The following SLC34A1 variants were observed in gnomAD, a reference collection of about 807,000 sequenced individuals.
SLC34A1 encodes the protein sodium-dependent phosphate transport protein 2A.
A neutral mutation model predicts 51.4 loss-of-function variants in SLC34A1; 57 were observed. The observed-to-expected ratio is 1.11, with a 90% confidence interval of 0.90 to 1.38. SLC34A1 has a LOEUF of 1.38. Among genes scored for constraint, SLC34A1 ranks in the 40% most tolerant of loss-of-function variants. SLC34A1 has a pLI of 0.00. For synonymous variants in SLC34A1, 368 were observed against 358.0 expected, an observed-to-expected ratio of 1.03 and a Z score of -0.32; for missense variants, 796 against 835.6, an observed-to-expected ratio of 0.95 and a Z score of 0.58.
At position 177,396,994 on chromosome 5, in the gene SLC34A1, G is replaced by T; in HGVS notation, c.1336G>T (p.Gly446Cys). Residue 446 changes from glycine to cysteine, a missense_variant, in exon 12 of 13, where the codon GGT (glycine) becomes TGT (cysteine). By Grantham distance (159) the Gly-to-Cys change is radical. Coordinates refer to ENST00000324417, the MANE Select transcript of SLC34A1 (RefSeq NM_003052.5). The surrounding 1 kb of genome is among the most constrained non-coding windows in gnomAD (Gnocchi z 4.0). Reference sequence around the variant, plus strand: ...TGAGAGGGCCTACCCGCTCACACTGGGTTCCAACATCGGCACCACCACCAC... The same window carrying T: ...TGAGAGGGCCTACCCGCTCACACTGTGTTCCAACATCGGCACCACCACCAC... ...SIERAYPLTL[G>C]SNIGTTTTAI... is the part of the protein sequence containing the mutation. The T allele has an allele frequency of 6.2e-7, 1 of 1,614,156 alleles. No homozygotes were observed. Among genetic ancestry groups the T allele is most frequent in the South Asian group, 1.1e-5 (1 of 91,086 alleles).
At chr5:177,394,257 T>C in intron 10 of SLC34A1, 62 bp downstream of exon 10, 1 of 1,528,204 alleles carries the variant, frequency 6.5e-7, no homozygotes, top group Middle Eastern at 1.7e-4. Flanking sequence ...TCCTGCTAAG[T>C]CCTGTGACTG....
At chr5:177,392,144 C>T (rs149598573) in intron 8 of SLC34A1, among the ~76,000 whole-genome samples, 100 of 152,312 alleles carry the variant, frequency 6.6e-4, no homozygotes, top group African/African-American at 2.3e-3. Flanking sequence ...AAAATAAACC[C>T]GGATGTTACA....
chr5:177,391,247 A>ACT, intron 8 of SLC34A1, among the ~76,000 whole-genome samples: 1 of 151,556 alleles, frequency 6.6e-6, no homozygotes, highest in South Asian at 2.1e-4. Context: ...CCGGCAGTTC[A>ACT]CTCTCTGCCT....
chr5:177,390,173 C>T, intron 8 of SLC34A1: 3 of 1,004,932 alleles, frequency 3.0e-6, no homozygotes, highest in Non-Finnish European at 3.6e-6. Context: ...CCTGAACCAG[C>T]CCGAAACAGT....
rs771658987 is a variant in SLC34A1 at position 177,398,035 on chromosome 5, C to G, written c.1669C>G (p.Leu557Val). ...CGGGGCCCTGCTGGCCTTCGTGGTG[C>G]TCATCAATGTCCTGCAGAGTCGGAG... ...PFGALLAFVV[L>V]INVLQSRSPG... The change falls in exon 13 of 13, where the codon CTC becomes GTC. Residue 557 changes from leucine (L) to valine (V), a missense_variant. Physicochemically the swap from Leu to Val is conservative, Grantham distance 32. Transcript: ENST00000324417. This position sits in a 1 kb window ranked among gnomAD's most constrained non-coding sequence, Gnocchi z 4.7. The G allele has an allele frequency of 1.2e-6, 2 of 1,614,130 alleles. No individual in the cohort carries two copies. Among genetic ancestry groups the G allele is most frequent in the South Asian group, 2.2e-5 (2 of 91,088 alleles).
Position 177,386,425 on chromosome 5 carries a change from A to C in SLC34A1, c.391A>C (p.Lys131Gln). 1 of 1,614,122 alleles carries C rather than the reference A, an allele frequency of 6.2e-7. No individual in the cohort carries two copies. The highest frequency in any genetic ancestry group is 8.5e-7 in the Non-Finnish European group (1 of 1,180,014). Residue 131 changes from lysine to glutamine, a missense_variant and splice_region_variant, in exon 5 of 13, where the codon AAG (lysine) becomes CAG (glutamine). Lys to Gln is a moderately conservative substitution (Grantham distance 53, BLOSUM62 1). Transcript: ENST00000324417. This position sits in a 1 kb window ranked among gnomAD's most constrained non-coding sequence, Gnocchi z 4.8. ...CAACGCTGGCTCATGCTCCCCAGGG[A>C]AGGTGGCTGGTGACATCTTCAAGGA... ...LSSAFQLAGG[K>Q]VAGDIFKDNA...
chr5:177,392,658 C>T (rs1762843626), intron 8 of SLC34A1, among the ~76,000 whole-genome samples: 1 of 152,098 alleles, frequency 6.6e-6, no homozygotes, highest in Non-Finnish European at 1.5e-5. Context: ...AGGTCTTGCT[C>T]TGTCACTCAA....
At chr5:177,392,012 A>AT (rs770975245) in intron 8 of SLC34A1, among the ~76,000 whole-genome samples, 42 of 151,806 alleles carry the variant, frequency 2.8e-4, no homozygotes, top group Non-Finnish European at 4.9e-4. Context: ...ATCGCAGCCT[A>AT]TTTTTTCCAG....
chr5:177,393,462 G>A (rs113015801), intron 8 of SLC34A1, among the ~76,000 whole-genome samples: 2 of 152,172 alleles, frequency 1.3e-5, no homozygotes, highest in Non-Finnish European at 2.9e-5. Context: ...GGAGAGCTGG[G>A]CCAGTGGAGT....
In SLC34A1 at chr5:177,388,866, C is replaced by T. The variant is rs553296848; in HGVS notation, c.936+494C>T. The stretch of plus-strand genomic sequence containing the variant: ...AGAAACGTGCCAGAGCTTATCCTAC[C>T]ATGTCAGGGCCTGAGCACCCTAGAG... On this transcript the variant is annotated intron_variant, in intron 8 of 12. Transcript: ENST00000324417. The surrounding 1 kb of genome is among the most constrained non-coding windows in gnomAD (Gnocchi z 4.3). Among the ~76,000 whole-genome samples, 2 of 152,282 alleles carry T rather than the reference C, an allele frequency of 1.3e-5. No homozygotes were observed. Among genetic ancestry groups the T allele is most frequent in the African/African-American group, 4.8e-5 (2 of 41,528 alleles).
At chr5:177,390,197 A>T in intron 8 of SLC34A1, 1 of 998,824 alleles carries the variant, frequency 1.0e-6, no homozygotes, top group South Asian at 4.3e-5. Context: ...CAGGGAAGCT[A>T]TGCACCAGGG....
At chr5:177,387,615 C>A (rs1194106818) in intron 5 of SLC34A1, 147 bp from the exon 6 acceptor site, 6 of 731,494 alleles carry the variant, frequency 8.2e-6, no homozygotes, top group Non-Finnish European at 1.5e-5. Context: ...CCCACATGCA[C>A]CTGTGACGCC....
chr5:177,397,662 C>T, intron 12 of SLC34A1, 121 bp from the exon 13 acceptor site: 1 of 1,361,634 alleles, frequency 7.3e-7, no homozygotes, highest in Non-Finnish European at 1.0e-6. Flanking sequence ...CACATCACCC[C>T]TAAGTGGAAA....
intron 1 of SLC34A1, among the ~76,000 whole-genome samples, chr5:177,385,384 T>C (rs571498337): frequency 6.6e-6 from 1 of 152,102 alleles, no homozygotes; most frequent in Non-Finnish European, 1.5e-5. Context: ...ACTCATTGAA[T>C]GAGTGAATGG....
At chr5:177,397,709 ATCT>A (rs551035637) in intron 12 of SLC34A1, 71 bp from the exon 13 acceptor site, 2 of 1,589,276 alleles carry the variant, frequency 1.3e-6, no homozygotes. Flanking sequence ...GGTTCCTATC[ATCT>A]ACCCCTGCTG....
intron 12 of SLC34A1, chr5:177,397,460 G>T: frequency 1.9e-6 from 1 of 515,816 alleles, no homozygotes; most frequent in Non-Finnish European, 3.5e-6. Context: ...CTGACTGAAT[G>T]AGGGTCCAGA....
intron 10 of SLC34A1, 129 bp downstream of exon 10, chr5:177,394,324 GA>G (rs1302377564): frequency 9.1e-7 from 1 of 1,095,976 alleles, no homozygotes; most frequent in African/African-American, 1.5e-5. Context: ...TGTGAACAAA[GA>G]AGGTGGTTTC....
rs746239621 is a variant in SLC34A1 at position 177,398,444 on chromosome 5, G to A, written c.*158G>A. The A allele has an allele frequency of 4.2e-5, 36 of 858,226 alleles. No homozygotes were observed. Among genetic ancestry groups the A allele is most frequent in the Non-Finnish European group, 5.4e-5 (28 of 514,728 alleles). The allele number at this position is 858,226 out of a possible 1,614,324, so 53.2% of individuals were successfully genotyped here. ...AGCTCTGGGCTTGTGTGAGAGTGTC[G>A]GTGTGTGTGCATGTGTGGGGGTGAG... On this transcript the variant is annotated 3_prime_UTR_variant, in exon 13 of 13. Coordinates refer to ENST00000324417, the MANE Select transcript of SLC34A1 (RefSeq NM_003052.5). The surrounding 1 kb of genome is among the most constrained non-coding windows in gnomAD (Gnocchi z 4.7).
chr5:177,396,405 C>T lies in SLC34A1; in HGVS notation c.1175-328C>T, dbSNP rs1255831616. Among the ~76,000 whole-genome samples the T allele has an allele frequency of 1.3e-5, 2 of 152,068 alleles. No individual in the cohort carries two copies. The highest frequency in any genetic ancestry group is 2.9e-5 in the Non-Finnish European group (2 of 67,976). Reference sequence around the variant, plus strand: ...AGTGGGAGCAAACCCCCATGGAGGTCGTCTCTCCCAGTGCCCCCGCGGAGA... The same window carrying T: ...AGTGGGAGCAAACCCCCATGGAGGTTGTCTCTCCCAGTGCCCCCGCGGAGA... On this transcript the variant is annotated intron_variant, in intron 10 of 12. Coordinates refer to ENST00000324417, the MANE Select transcript of SLC34A1 (RefSeq NM_003052.5). This position sits in a 1 kb window ranked among gnomAD's most constrained non-coding sequence, Gnocchi z 4.0.
Sources: allele counts gnomAD v4.1 joint callset (sites outside exome capture counted in the v4.1 genomes callset), GRCh38; gene constraint gnomAD v4.1.1; non-coding constraint Gnocchi (gnomAD v3.1); transcripts MANE v1.5; gene names NCBI Gene and HGNC (gene_info 2026-07-23, HGNC 2026-07-21).